KIF3A: variants seen among roughly 807,000 people sequenced by gnomAD.
KIF3A encodes kinesin family member 3A.
A neutral mutation model predicts 92.6 loss-of-function variants in KIF3A; 27 were observed. The ratio of observed to expected loss-of-function variants is 0.29; its 90% CI spans 0.21 to 0.40. The LOEUF (loss-of-function observed/expected upper bound fraction) is 0.40, where lower values mean the gene tolerates loss of function less well. KIF3A is among the 10% of genes least tolerant of loss of function. The probability of loss-of-function intolerance (pLI) is 1.00; values close to 1 mark genes in which losing one functional copy is unlikely to be tolerated. For synonymous variants in KIF3A, 250 were observed against 275.4 expected (o/e 0.91, Z 0.92); for missense variants, 581 against 872.6 (o/e 0.67, Z 4.21).
intron 8 of KIF3A, among the ~76,000 whole-genome samples, chr5:132,711,925 C>T (rs1753440803): frequency 6.6e-6 from 1 of 152,146 alleles, no homozygotes; most frequent in Non-Finnish European, 1.5e-5. Flanking sequence ...GCCAATAAAA[C>T]AGATCAGCAC....
rs1753094226 is a variant in KIF3A, at chr5:132,703,054, T to C, written c.1478A>G (p.Gln493Arg). The change falls in exon 13 of 19, where the codon CAG becomes CGG. Residue 493 changes from glutamine to arginine, a missense_variant. Around this residue, in one of 5 missense-constraint regions of KIF3A, gnomAD observed 167 missense variants for 205.8 expected, o/e 0.81. Transcript: ENST00000403231. ...KDLLKAQQEH[Q>R]SLLEKLSALE... ...GGCAGATAATTTTTCCAGCAAAGAC[T>C]GATGCTCTTGTCTGTTGATTAGAAT... is the stretch of plus-strand genomic sequence containing the variant. 1 of 1,609,462 alleles carries C rather than the reference T, an allele frequency of 6.2e-7. No homozygotes were observed. The highest frequency in any genetic ancestry group is 1.3e-5 in the African/African-American group (1 of 74,842).
intron 5 of KIF3A, among the ~76,000 whole-genome samples, chr5:132,719,508 C>CTT (rs902935654): frequency 1.4e-5 from 2 of 146,300 alleles, no homozygotes; most frequent in African/African-American, 5.0e-5. Context: ...CTCTTTTTTT[C>CTT]TTTTTTTTTT....
chr5:132,703,467 C>T lies in KIF3A; in HGVS notation c.1462G>A (p.Ala488Thr). The T allele has an allele frequency of 6.2e-7, 1 of 1,607,326 alleles. No homozygotes were observed. The highest frequency in any genetic ancestry group is 8.5e-7 in the Non-Finnish European group (1 of 1,176,162). Residue 488 changes from alanine to threonine, a missense_variant, in exon 12 of 19, where the codon GCC becomes ACC. Around this residue, in one of 5 missense-constraint regions of KIF3A, gnomAD observed 167 missense variants for 205.8 expected, o/e 0.81. Coordinates refer to ENST00000403231, the MANE Select transcript of KIF3A (RefSeq NM_001300791.2). ...LEKREKDLLK[A>T]QQEHQSLLEK... ...TCTCAATTCAATAATACTCACTGGG[C>T]TTTAAGAAGATCTTTTTCCCGTTTC... is the stretch of plus-strand genomic sequence containing the variant.
chr5:132,706,319 T>C, intron 11 of KIF3A, 132 bp downstream of exon 11: 1 of 537,626 alleles, frequency 1.9e-6, no homozygotes, highest in Non-Finnish European at 3.0e-6. Flanking sequence ...GAAAGATTGT[T>C]AAAAATACAA....
rs1477656700 is a variant in KIF3A at position 132,693,262 on chromosome 5, C to T, written c.*3372G>A. 2.6e-5 allele frequency: 4 copies of T among 152,196 alleles called. No homozygotes were observed. The highest frequency in any genetic ancestry group is 9.7e-5 in the African/African-American group (4 of 41,404). 9.4% of individuals were successfully genotyped at this position (152,196 alleles called of 1,614,324 possible). ...ATGGGGCAAACATGGAGATGCGACC[C>T]TTCCCTTGATTACTCATCTCATGCT... On this transcript the variant is annotated 3_prime_UTR_variant, in exon 19 of 19. Transcript: ENST00000403231.
intron 8 of KIF3A, among the ~76,000 whole-genome samples, 168 bp downstream of exon 8, chr5:132,715,589 G>T (rs563711725): frequency 5.2e-4 from 79 of 152,286 alleles, no homozygotes; most frequent in Non-Finnish European, 1.0e-3. Context: ...AGCTTAATAT[G>T]AAAATGCGAA....
At chr5:132,737,120 A>G (rs1754421530) in intron 1 of KIF3A, among the ~76,000 whole-genome samples, 1 of 152,230 alleles carries the variant, frequency 6.6e-6, no homozygotes, top group Admixed American at 6.5e-5. Flanking sequence ...AAGGGCTGCG[A>G]GCCAGAGCGC....
Position 132,715,935 on chromosome 5 carries a change from T to C in KIF3A, c.955-4A>G. 6.4e-7 allele frequency: 1 copy of C among 1,560,704 alleles called. No individual in the cohort carries two copies. Among genetic ancestry groups the C allele is most frequent in the South Asian group, 1.2e-5 (1 of 84,076 alleles). On this transcript the variant is annotated splice_region_variant and splice_polypyrimidine_tract_variant and intron_variant, in intron 7 of 18. Transcript: ENST00000403231. The stretch of plus-strand genomic sequence containing the variant: ...CTGCTGGCCCAATATTTGCACACTA[T>C]TGAATTAGAAATATGAAACAAATCA...
At chr5:132,708,557 C>T (rs1311176665) in intron 10 of KIF3A, among the ~76,000 whole-genome samples, 1 of 152,092 alleles carries the variant, frequency 6.6e-6, no homozygotes, top group African/African-American at 2.4e-5. Flanking sequence ...TTTGATGTTA[C>T]GTGTCCCTTA....
intron 18 of KIF3A, 76 bp from the exon 19 acceptor site, chr5:132,696,758 A>G (rs1752851761): frequency 1.7e-6 from 2 of 1,147,690 alleles, no homozygotes; most frequent in Admixed American, 1.7e-5. Context: ...CATTATATAG[A>G]AACTATGGGG....
chr5:132,731,314 T>C (rs371746296), intron 2 of KIF3A, among the ~76,000 whole-genome samples: 3 of 152,162 alleles, frequency 2.0e-5, no homozygotes, highest in South Asian at 2.1e-4. Context: ...AACAGAATAA[T>C]GCATCATGAC....
chr5:132,712,569 T>TG (rs1407373363), intron 8 of KIF3A, among the ~76,000 whole-genome samples: 1 of 152,210 alleles, frequency 6.6e-6, no homozygotes, highest in Non-Finnish European at 1.5e-5. Context: ...ACAGGATTAT[T>TG]GTTGCAGACA....
chr5:132,728,831 AG>A (rs1204857253), intron 2 of KIF3A, among the ~76,000 whole-genome samples: 2 of 152,118 alleles, frequency 1.3e-5, no homozygotes, highest in Non-Finnish European at 2.9e-5. Context: ...CAGCACTTTG[AG>A]AGGCTGAGGT....
At chr5:132,736,784 A>G (rs1227685302) in intron 1 of KIF3A, 2 of 467,740 alleles carry the variant, frequency 4.3e-6, no homozygotes, top group Non-Finnish European at 8.8e-6. Context: ...CCATGGCTCA[A>G]TTTTCCTCCA....
intron 1 of KIF3A, among the ~76,000 whole-genome samples, chr5:132,736,207 A>C (rs1240848647): frequency 2.6e-5 from 4 of 152,230 alleles, no homozygotes; most frequent in Admixed American, 1.3e-4. Context: ...CAAGAGGCTG[A>C]ATTCAGCCCA....
chr5:132,730,389 C>T (rs1210026307), intron 2 of KIF3A, among the ~76,000 whole-genome samples: 1 of 151,864 alleles, frequency 6.6e-6, no homozygotes, highest in Non-Finnish European at 1.5e-5. Flanking sequence ...TCGCTGGAAC[C>T]CGGGGAAGCA....
downstream of KIF3A, among the ~76,000 whole-genome samples, chr5:132,689,015 T>A (rs1417253085): frequency 1.3e-5 from 2 of 152,222 alleles, no homozygotes; most frequent in African/African-American, 4.8e-5. Flanking sequence ...GACAATCTGA[T>A]CTTCTGATAA....
chr5:132,726,448 C>T lies in KIF3A; in HGVS notation c.331G>A (p.Glu111Lys). Residue 111 changes from glutamate to lysine, a missense_variant, in exon 3 of 19, where the codon GAA (glutamate) becomes AAA (lysine). Transcript: ENST00000403231. ...QTGTGKTFTM[E>K]GVRAIPELRG... ...AGTTCAGGAATAGCTCGAACACCTT[C>T]CATGGTAAAAGTTTTGCCTGTTCCG... 1 of 1,613,662 alleles carries T rather than the reference C, an allele frequency of 6.2e-7. No homozygotes were observed.
intron 18 of KIF3A, among the ~76,000 whole-genome samples, chr5:132,698,682 C>A (rs1308869114): frequency 6.6e-6 from 1 of 151,046 alleles, no homozygotes; most frequent in African/African-American, 2.4e-5. Flanking sequence ...GACCTTAATT[C>A]TTTGGCCAGA....
Sources: allele counts gnomAD v4.1 joint callset (sites outside exome capture counted in the v4.1 genomes callset), GRCh38; gene constraint gnomAD v4.1.1; regional missense constraint gnomAD v4.1.1; transcripts MANE v1.5; gene names NCBI Gene and HGNC (gene_info 2026-07-23, HGNC 2026-07-21).